The following GALNT13 variants were observed in gnomAD, a reference collection of about 807,000 sequenced individuals.
GALNT13 encodes polypeptide N-acetylgalactosaminyltransferase 13.
A neutral mutation model predicts 64.2 loss-of-function variants in GALNT13; 28 were observed. The ratio of observed to expected loss-of-function variants is 0.44; its 90% CI spans 0.32 to 0.60. GALNT13 has a LOEUF of 0.60. Ranked by LOEUF, GALNT13 falls within the 20% of genes least tolerant of loss-of-function variation. The pLI, the probability that GALNT13 is intolerant of heterozygous loss-of-function variation, is 0.05. For missense variants in GALNT13, 577 were observed against 669.8 expected, an observed-to-expected ratio of 0.86 and a Z score of 1.53; for synonymous variants, 214 against 224.6, an observed-to-expected ratio of 0.95 and a Z score of 0.42.
At chr2:154,217,936 G>C (rs990483795) in intron 4 of GALNT13, among the ~76,000 whole-genome samples, 4 of 152,130 alleles carry the variant, frequency 2.6e-5, no homozygotes, top group Admixed American at 6.6e-5. Context: ...TAGGTAAGCA[G>C]TAAGGGTCTA....
the GALNT13 span, among the ~76,000 whole-genome samples, chr2:153,721,079 C>G: frequency 1.2e-3 from 176 of 148,118 alleles, no homozygotes; most frequent in Non-Finnish European, 2.2e-3. Context: ...GGGTTACCCA[C>G]AAAGGGAAGC....
chr2:153,423,215 C>A, the GALNT13 span, among the ~76,000 whole-genome samples: 2 of 151,406 alleles, frequency 1.3e-5, no homozygotes, highest in Non-Finnish European at 3.0e-5. Context: ...AATGTTAAAA[C>A]GTGATAAATT....
intron 1 of GALNT13, among the ~76,000 whole-genome samples, chr2:153,886,939 G>T (rs1456331818): frequency 6.6e-6 from 1 of 151,924 alleles, no homozygotes; most frequent in Non-Finnish European, 1.5e-5. Context: ...TTAATTTTGT[G>T]GTGCCTGGAA....
chr2:153,199,428 T>C, the GALNT13 span, among the ~76,000 whole-genome samples: 4 of 152,210 alleles, frequency 2.6e-5, no homozygotes, highest in Non-Finnish European at 5.9e-5. Flanking sequence ...TGAGGCCACA[T>C]TGAGGATGTC....
chr2:154,115,140 CA>C (rs1282478229), intron 3 of GALNT13, among the ~76,000 whole-genome samples: 2 of 152,188 alleles, frequency 1.3e-5, no homozygotes, highest in African/African-American at 2.4e-5. Context: ...TAACCCACTT[CA>C]TCATCCCAAT....
chr2:153,775,513 A>G, the GALNT13 span, among the ~76,000 whole-genome samples: 1 of 152,148 alleles, frequency 6.6e-6, no homozygotes, highest in Non-Finnish European at 1.5e-5. Context: ...GAAATCAGTC[A>G]TGTTATCATG....
At chr2:153,378,561 C>T in the GALNT13 span, among the ~76,000 whole-genome samples, 2,379 of 152,150 alleles carry the variant, frequency 0.016, 72 homozygotes, top group African/African-American at 0.054. Context: ...CATATTTTTT[C>T]CCAGTCACTG....
the GALNT13 span, among the ~76,000 whole-genome samples, chr2:153,630,569 A>T: frequency 2.0e-5 from 3 of 149,636 alleles, no homozygotes; most frequent in East Asian, 4.1e-4. Flanking sequence ...TAATAGGTGC[A>T]GCACACCAAC....
chr2:153,691,600 A>T, the GALNT13 span, among the ~76,000 whole-genome samples: 5 of 152,206 alleles, frequency 3.3e-5, no homozygotes, highest in Admixed American at 6.5e-5. Context: ...AAGGCTTAAT[A>T]GCCACTTAAT....
the GALNT13 span, among the ~76,000 whole-genome samples, chr2:153,570,458 T>G: frequency 1.3e-5 from 2 of 152,196 alleles, no homozygotes; most frequent in African/African-American, 4.8e-5. Flanking sequence ...CTTTTTAAAG[T>G]GATGTGATCC....
chr2:153,859,055 C>T, the GALNT13 span, among the ~76,000 whole-genome samples: 2 of 152,036 alleles, frequency 1.3e-5, no homozygotes, highest in Admixed American at 1.3e-4. Flanking sequence ...TTTTATATGG[C>T]ATAAGGTTAA....
intron 3 of GALNT13, among the ~76,000 whole-genome samples, chr2:153,979,754 A>G (rs555804169): frequency 2.0e-5 from 3 of 152,322 alleles, no homozygotes; most frequent in Non-Finnish European, 4.4e-5. Flanking sequence ...AAGCTGACAA[A>G]GAGTAAAGAA....
chr2:154,353,800 A>G (rs775326461), intron 9 of GALNT13, among the ~76,000 whole-genome samples: 5 of 152,104 alleles, frequency 3.3e-5, no homozygotes, highest in Non-Finnish European at 7.4e-5. Context: ...TATATATGCC[A>G]CATTTCCTTT....
intron 3 of GALNT13, among the ~76,000 whole-genome samples, chr2:154,110,360 G>C (rs1558963201): frequency 5.8e-5 from 6 of 103,194 alleles, no homozygotes; most frequent in South Asian, 4.4e-4. Flanking sequence ...GAGAGAGAGA[G>C]AGAGAGAGAG....
chr2:154,206,656 G>T (rs1203313786), intron 4 of GALNT13, among the ~76,000 whole-genome samples: 1 of 151,946 alleles, frequency 6.6e-6, no homozygotes, highest in Non-Finnish European at 1.5e-5. Context: ...CATTAGCCGG[G>T]TGTGGTGGTG....
intron 10 of GALNT13, among the ~76,000 whole-genome samples, chr2:154,403,676 T>C (rs1699401006): frequency 6.6e-6 from 1 of 152,270 alleles, no homozygotes. Context: ...ACTTTGTTTT[T>C]AGGCTTTTTG....
the GALNT13 span, among the ~76,000 whole-genome samples, chr2:153,399,529 C>A: frequency 6.6e-6 from 1 of 152,042 alleles, no homozygotes. Flanking sequence ...TGGCCATTTT[C>A]ACAATATTGA....
At chr2:153,908,109 G>A (rs1688705659) in intron 2 of GALNT13, among the ~76,000 whole-genome samples, 1 of 152,056 alleles carries the variant, frequency 6.6e-6, no homozygotes, top group African/African-American at 2.4e-5. Context: ...TCTGACTGGT[G>A]TAAGATGGTA....
At chr2:153,933,726 G>A (rs767829769) in intron 2 of GALNT13, among the ~76,000 whole-genome samples, 6 of 151,920 alleles carry the variant, frequency 3.9e-5, no homozygotes, top group Non-Finnish European at 8.8e-5. Context: ...TGTTTTTTTG[G>A]TGGCCAGTAA....
Sources: allele counts gnomAD v4.1 joint callset (sites outside exome capture counted in the v4.1 genomes callset), GRCh38; gene constraint gnomAD v4.1.1; transcripts MANE v1.5; gene names NCBI Gene and HGNC (gene_info 2026-07-23, HGNC 2026-07-21).